PTPN5: variants seen among roughly 807,000 people sequenced by gnomAD.
The protein encoded by PTPN5 is tyrosine-protein phosphatase non-receptor type 5.
Under a neutral mutation model 73.9 loss-of-function variants are expected in PTPN5, and 29 were observed. The observed-to-expected ratio is 0.39, with a 90% CI of 0.29 to 0.54. The LOEUF (loss-of-function observed/expected upper bound fraction) is 0.54. PTPN5 is among the 20% of genes least tolerant of loss of function. The pLI is 0.65. For synonymous variants in PTPN5, 267 were observed against 304.7 expected, an observed-to-expected ratio of 0.88 and a Z score of 1.29; for missense variants, 652 against 751.4, an observed-to-expected ratio of 0.87 and a Z score of 1.55.
chr11:18,791,006 A>G (rs1022133566), intron 1 of PTPN5, among the ~76,000 whole-genome samples: 2 of 151,978 alleles, frequency 1.3e-5, no homozygotes, highest in African/African-American at 2.4e-5. Context: ...AGAAACAAGC[A>G]GCATGCTGGG....
chr11:18,732,378 T>G (rs1044552741), intron 12 of PTPN5, among the ~76,000 whole-genome samples: 1 of 152,168 alleles, frequency 6.6e-6, no homozygotes, highest in Admixed American at 6.5e-5. Flanking sequence ...CAGCATGAAA[T>G]GTAACTGAGG....
intron 3 of PTPN5, among the ~76,000 whole-genome samples, chr11:18,746,289 TCAAA>T (rs1849634949): frequency 6.7e-6 from 1 of 150,232 alleles, no homozygotes; most frequent in Non-Finnish European, 1.5e-5. Flanking sequence ...CCTCCTGGGT[TCAAA>T]CAATTTTCCT....
intron 1 of PTPN5, among the ~76,000 whole-genome samples, chr11:18,785,870 T>C (rs1365958454): frequency 6.6e-6 from 1 of 152,258 alleles, no homozygotes; most frequent in African/African-American, 2.4e-5. Flanking sequence ...GTTTATCCCT[T>C]ACATTAGCCC....
intron 2 of PTPN5, among the ~76,000 whole-genome samples, chr11:18,767,709 C>A (rs935995605): frequency 6.6e-6 from 1 of 152,224 alleles, no homozygotes; most frequent in East Asian, 1.9e-4. Context: ...AGAATCAATT[C>A]CTCAGAACTC....
chr11:18,775,655 C>T (rs139661487), intron 1 of PTPN5, among the ~76,000 whole-genome samples: 30 of 152,344 alleles, frequency 2.0e-4, no homozygotes, highest in Non-Finnish European at 3.4e-4. Flanking sequence ...AATACACTCA[C>T]TGGCCCAGGG....
chr11:18,770,753 T>G (rs1850849054), intron 2 of PTPN5, among the ~76,000 whole-genome samples: 2 of 152,216 alleles, frequency 1.3e-5, no homozygotes, highest in African/African-American at 4.8e-5. Flanking sequence ...CCTCTGCTCG[T>G]TCGTATGTGT....
chr11:18,742,618 T>C lies in PTPN5; in HGVS notation c.484-115A>G. 6.8e-7 allele frequency: 1 copy of C among 1,460,838 alleles called. No individual in the cohort carries two copies. The highest frequency in any genetic ancestry group is 9.1e-7 in the Non-Finnish European group (1 of 1,093,062). 90.5% of individuals were successfully genotyped at this position (1,460,838 alleles called of 1,614,324 possible). On this transcript the variant is annotated intron_variant, in intron 6 of 14. Transcript: ENST00000358540. This position sits in a 1 kb window ranked among gnomAD's most constrained non-coding sequence, Gnocchi z 4.1. ...TCCCTCAGTGTGTCTAGAGCAGCTC[T>C]GCTCTCCTGGGAGTTGTCCACAAGG...
chr11:18,750,357 C>T (rs973698916), intron 3 of PTPN5, among the ~76,000 whole-genome samples: 1 of 152,116 alleles, frequency 6.6e-6, no homozygotes, highest in Non-Finnish European at 1.5e-5. Context: ...AGACTGCTTC[C>T]AGAGCCCATG....
rs553083499 is a variant in PTPN5 at position 18,780,290 on chromosome 11, G to C, written c.-113-8219C>G. 2.6e-5 allele frequency among the ~76,000 whole-genome samples: 4 copies of C among 152,254 alleles called. No homozygotes were observed. In the South Asian group the frequency reaches 8.3e-4, roughly 32 times the overall value. On this transcript the variant is annotated intron_variant, in intron 1 of 14. Transcript: ENST00000358540. ...AGTCAGACCCAGAGCCCTAGGAAAGGGCGGGTAAAAGAACTGGAAACTCCA... is the reference window on the plus strand; with the variant it reads ...AGTCAGACCCAGAGCCCTAGGAAAGCGCGGGTAAAAGAACTGGAAACTCCA...
At chr11:18,732,494 TC>T in intron 12 of PTPN5, 97 bp downstream of exon 12, 1 of 834,876 alleles carries the variant, frequency 1.2e-6, no homozygotes, top group Non-Finnish European at 2.0e-6. Context: ...GGCTTTTATG[TC>T]AGTTACAGTG....
chr11:18,739,590 G>A (rs1303778658), intron 8 of PTPN5, among the ~76,000 whole-genome samples: 1 of 152,214 alleles, frequency 6.6e-6, no homozygotes, highest in Non-Finnish European at 1.5e-5. Context: ...ATCAGATGAT[G>A]ATGGAGGTCT....
At chr11:18,745,586 T>G (rs775876088) in intron 3 of PTPN5, among the ~76,000 whole-genome samples, 1 of 152,182 alleles carries the variant, frequency 6.6e-6, no homozygotes, top group Non-Finnish European at 1.5e-5. Context: ...CTATTCATCT[T>G]GTAGACCTCA....
At chr11:18,782,793 A>G (rs375858295) in intron 1 of PTPN5, among the ~76,000 whole-genome samples, 101 of 152,306 alleles carry the variant, frequency 6.6e-4, no homozygotes, top group African/African-American at 2.4e-3. Context: ...ATGTGTGAGC[A>G]TTTTTGGTTG....
At chr11:18,752,060 G>T (rs575177049) in intron 3 of PTPN5, among the ~76,000 whole-genome samples, 1 of 152,088 alleles carries the variant, frequency 6.6e-6, no homozygotes, top group African/African-American at 2.4e-5. Context: ...GTAAAACCCC[G>T]TCTCTACTAA....
intron 2 of PTPN5, among the ~76,000 whole-genome samples, chr11:18,766,810 G>A (rs1474005327): frequency 2.0e-5 from 3 of 152,200 alleles, no homozygotes; most frequent in Admixed American, 6.5e-5. Flanking sequence ...ACCCTTGGCA[G>A]TAGCTGATGA....
rs747304835 is a variant in PTPN5 at position 18,732,760 on chromosome 11, C to T, written c.1219-58G>A. The T allele has an allele frequency of 3.0e-5, 43 of 1,422,856 alleles. No homozygotes were observed. The Admixed American group carries it at 3.5e-4, about 12-fold the overall frequency. The allele number at this position is 1,422,856 out of a possible 1,614,324, so 88.1% of individuals were successfully genotyped here. On this transcript the variant is annotated intron_variant, in intron 11 of 14. Transcript: ENST00000358540. Reference sequence around the variant, plus strand: ...CCTGTTCCCTTCCCACAACTCTCTACACTCTCTTCAGGGCCAGCGGAGAGA... The same window carrying T: ...CCTGTTCCCTTCCCACAACTCTCTATACTCTCTTCAGGGCCAGCGGAGAGA...
chr11:18,771,732 T>C (rs1350565906), intron 2 of PTPN5, among the ~76,000 whole-genome samples: 6 of 152,092 alleles, frequency 3.9e-5, no homozygotes, highest in Admixed American at 1.3e-4. Flanking sequence ...GGCCAAACCA[T>C]AGCCAGGAAG....
intron 1 of PTPN5, among the ~76,000 whole-genome samples, chr11:18,778,548 G>A (rs556482465): frequency 1.3e-5 from 2 of 152,338 alleles, no homozygotes; most frequent in East Asian, 3.9e-4. Context: ...GTGCCATCCT[G>A]ACGAGAGTTC....
chr11:18,775,355 C>T (rs1851098173), intron 1 of PTPN5, among the ~76,000 whole-genome samples: 1 of 152,180 alleles, frequency 6.6e-6, no homozygotes, highest in Non-Finnish European at 1.5e-5. Flanking sequence ...GTGATGATCA[C>T]CATTTTTACA....
Sources: gnomAD v4.1 joint callset for allele counts (sites outside exome capture counted in the v4.1 genomes callset) on GRCh38, gnomAD v4.1.1 for gene constraint, Gnocchi (gnomAD v3.1) non-coding constraint, MANE v1.5 for transcripts, NCBI Gene and HGNC (gene_info 2026-07-23, HGNC 2026-07-21) for gene names.